Variants in NCEH1 observed in about 807,000 individuals in gnomAD.
NCEH1 encodes neutral cholesterol ester hydrolase 1, also known as 2-acetyl MAGE hydrolase.
Under a neutral mutation model 25.4 loss-of-function variants are expected in NCEH1, and 9 were observed. The observed-to-expected ratio is 0.35, with a 90% CI of 0.21 to 0.62. The LOEUF is 0.62. Among genes scored for constraint, NCEH1 ranks in the 20% least tolerant of loss-of-function variants. The probability of loss-of-function intolerance (pLI) is 0.72; values close to 1 mark genes in which losing one functional copy is unlikely to be tolerated. For synonymous variants in NCEH1, 200 were observed against 199.8 expected (o/e 1.00, Z -0.01); for missense variants, 412 against 501.1 (o/e 0.82, Z 1.70).
At chr3:172,664,274 G>A (rs1718100350) in intron 1 of NCEH1, among the ~76,000 whole-genome samples, 1 of 152,210 alleles carries the variant, frequency 6.6e-6, no homozygotes, top group African/African-American at 2.4e-5. Flanking sequence ...CTTTAAGAAT[G>A]TTGAATATTG....
chr3:172,653,912 A>G (rs1717570522), intron 1 of NCEH1, among the ~76,000 whole-genome samples: 1 of 150,676 alleles, frequency 6.6e-6, no homozygotes, highest in South Asian at 2.1e-4. Context: ...ACATGCCACC[A>G]CGCCCAGCTA....
intron 3 of NCEH1, among the ~76,000 whole-genome samples, chr3:172,641,924 C>A (rs886187339): frequency 6.6e-6 from 1 of 152,186 alleles, no homozygotes; most frequent in South Asian, 2.1e-4. Flanking sequence ...TTAGATGTCT[C>A]TGTTACTACT....
chr3:172,639,351 G>C (rs2108490241), intron 3 of NCEH1, among the ~76,000 whole-genome samples: 1 of 150,626 alleles, frequency 6.6e-6, no homozygotes, highest in South Asian at 2.1e-4. Flanking sequence ...CCTGAAAGTA[G>C]ATATTTATTA....
At chr3:172,647,745 G>T in intron 2 of NCEH1, 141 bp downstream of exon 2, 3 of 1,159,922 alleles carry the variant, frequency 2.6e-6, no homozygotes, top group Non-Finnish European at 3.6e-6. Flanking sequence ...ATTTTGCTGG[G>T]ACAACAGGGG....
chr3:172,691,119 G>A (rs1417314978), intron 1 of NCEH1, among the ~76,000 whole-genome samples: 1 of 152,046 alleles, frequency 6.6e-6, no homozygotes, highest in African/African-American at 2.4e-5. Flanking sequence ...TCTTGTCTGG[G>A]CAGTAGATAC....
chr3:172,665,988 C>T (rs901467101), intron 1 of NCEH1, among the ~76,000 whole-genome samples: 2 of 152,194 alleles, frequency 1.3e-5, no homozygotes, highest in African/African-American at 4.8e-5. Context: ...CGTGGCTGCA[C>T]CCACTGTCCA....
At chr3:172,678,599 G>A (rs1407423893) in intron 1 of NCEH1, among the ~76,000 whole-genome samples, 1 of 152,140 alleles carries the variant, frequency 6.6e-6, no homozygotes, top group African/African-American at 2.4e-5. Context: ...TCCATATAAT[G>A]ATCTTCCTGA....
At chr3:172,673,648 T>C (rs1235987360) in intron 1 of NCEH1, among the ~76,000 whole-genome samples, 4 of 152,172 alleles carry the variant, frequency 2.6e-5, no homozygotes, top group African/African-American at 9.7e-5. Context: ...GGATGTATTG[T>C]AGGGAACACT....
At chr3:172,658,481 T>C (rs543260934) in intron 1 of NCEH1, among the ~76,000 whole-genome samples, 1 of 152,322 alleles carries the variant, frequency 6.6e-6, no homozygotes, top group South Asian at 2.1e-4. Flanking sequence ...TGGAGCACAG[T>C]GGCACCCTCT....
At chr3:172,677,268 T>C (rs1385516045) in intron 1 of NCEH1, among the ~76,000 whole-genome samples, 1 of 152,166 alleles carries the variant, frequency 6.6e-6, no homozygotes, top group African/African-American at 2.4e-5. Context: ...AAATTAGACA[T>C]CATCTTTGAA....
intron 1 of NCEH1, among the ~76,000 whole-genome samples, chr3:172,654,668 C>T (rs1218849129): frequency 1.3e-5 from 2 of 152,222 alleles, no homozygotes; most frequent in African/African-American, 4.8e-5. Flanking sequence ...AACCCATACA[C>T]ATCAATGACT....
chr3:172,634,143 T>C (rs752108602), intron 4 of NCEH1, 51 bp from the exon 5 acceptor site: 3 of 1,547,052 alleles, frequency 1.9e-6, no homozygotes, highest in Middle Eastern at 2.3e-4. Flanking sequence ...CCTTCTTTTA[T>C]AGGAACCATA....
Position 172,632,485 on chromosome 3 carries a change from T to C in NCEH1, c.*990A>G, listed in dbSNP as rs1029925693. 2.6e-5 allele frequency: 4 copies of C among 152,580 alleles called. No individual in the cohort carries two copies. The highest frequency in any genetic ancestry group is 5.9e-5 in the Non-Finnish European group (4 of 68,014). The allele number at this position is 152,580 out of a possible 1,614,324, so 9.5% of individuals were successfully genotyped here. Reference sequence around the variant, plus strand: ...GCAAAATAGCTCCATTTTAAAGCCATATAAGTGAAAAAATTGAGTTTTCAA... The same window carrying C: ...GCAAAATAGCTCCATTTTAAAGCCACATAAGTGAAAAAATTGAGTTTTCAA... On this transcript the variant is annotated 3_prime_UTR_variant, in exon 5 of 5. Transcript: ENST00000475381.
At chr3:172,707,866 G>A (rs1311151725) in intron 1 of NCEH1, among the ~76,000 whole-genome samples, 4 of 152,220 alleles carry the variant, frequency 2.6e-5, no homozygotes, top group Admixed American at 6.5e-5. Context: ...GATTACAGGC[G>A]TGAGCCACCG....
chr3:172,706,262 C>T (rs192330013), intron 1 of NCEH1, among the ~76,000 whole-genome samples: 8 of 151,908 alleles, frequency 5.3e-5, no homozygotes, highest in Non-Finnish European at 8.8e-5. Context: ...AACTTTATGG[C>T]CCAGAAGAAA....
chr3:172,688,000 T>A (rs929738265), intron 1 of NCEH1, among the ~76,000 whole-genome samples: 1 of 152,178 alleles, frequency 6.6e-6, no homozygotes, highest in African/African-American at 2.4e-5. Flanking sequence ...AATTTTAAAT[T>A]ATGTTAATGC....
intron 1 of NCEH1, among the ~76,000 whole-genome samples, chr3:172,655,467 C>A (rs1472798556): frequency 6.6e-6 from 1 of 152,190 alleles, no homozygotes; most frequent in Admixed American, 6.5e-5. Context: ...ACTGGTTCTT[C>A]CCTAGCCTCC....
intron 1 of NCEH1, among the ~76,000 whole-genome samples, chr3:172,687,384 G>A (rs1190973348): frequency 6.6e-6 from 1 of 152,106 alleles, no homozygotes; most frequent in Non-Finnish European, 1.5e-5. Flanking sequence ...TTATGTTCCT[G>A]ATTATTTTTG....
At chr3:172,676,680 G>C (rs1054976162) in intron 1 of NCEH1, among the ~76,000 whole-genome samples, 49 of 151,916 alleles carry the variant, frequency 3.2e-4, no homozygotes, top group African/African-American at 1.1e-3. Context: ...TAAACTCTCC[G>C]CTCCTTAAAA....
Sources: gnomAD v4.1 joint callset for allele counts (sites outside exome capture counted in the v4.1 genomes callset) on GRCh38, gnomAD v4.1.1 for gene constraint, MANE v1.5 for transcripts, NCBI Gene and HGNC (gene_info 2026-07-23, HGNC 2026-07-21) for gene names.